LARP6: variants seen among roughly 807,000 people sequenced by gnomAD.
The protein encoded by LARP6 is la-related protein 6.
In LARP6, 18 loss-of-function variants were observed where a neutral mutation model predicts 32.8. The ratio of observed to expected loss-of-function variants is 0.55; its 90% CI spans 0.38 to 0.81. The LOEUF is 0.81. Among genes scored for constraint, LARP6 ranks in the 40% least tolerant of loss-of-function variants. The pLI, the probability that LARP6 is intolerant of heterozygous loss-of-function variation, is 0.00. For missense variants in LARP6, 598 were observed against 663.1 expected, an observed-to-expected ratio of 0.90 and a Z score of 1.08; for synonymous variants, 289 against 267.2, an observed-to-expected ratio of 1.08 and a Z score of -0.80.
chr15:70,842,618 G>C (rs572227392), intron 1 of LARP6, among the ~76,000 whole-genome samples: 1 of 152,234 alleles, frequency 6.6e-6, no homozygotes, highest in East Asian at 1.9e-4. Flanking sequence ...CCTGACCTCA[G>C]GCAGGACTGA....
intron 1 of LARP6, among the ~76,000 whole-genome samples, chr15:70,838,039 A>C (rs1398858037): frequency 6.6e-6 from 1 of 152,198 alleles, no homozygotes; most frequent in African/African-American, 2.4e-5. Context: ...ATTTTTAATA[A>C]TTTTGTGCAT....
rs2032004402 is a variant in LARP6, at chr15:70,829,630, G to A, written c.*2422C>T. The A allele has an allele frequency of 1.3e-5, 2 of 152,144 alleles. No homozygotes were observed. The highest frequency in any genetic ancestry group is 4.1e-4 in the South Asian group (2 of 4,832). The allele number at this position is 152,144 out of a possible 1,614,324, so 9.4% of individuals were successfully genotyped here. The stretch of plus-strand genomic sequence containing the variant: ...GACCTTATTTAAGGAACATCTTCTT[G>A]TTATCCACTGGTTTGTGGGAAGAAC... On this transcript the variant is annotated 3_prime_UTR_variant, in exon 3 of 3. Coordinates refer to ENST00000299213, the MANE Select transcript of LARP6 (RefSeq NM_018357.4).
chr15:70,832,055 T>C lies in LARP6; in HGVS notation c.1473A>G (p.Val491=), dbSNP rs1187359774. The C allele has an allele frequency of 1.3e-6, 2 of 1,506,362 alleles. No individual in the cohort carries two copies. Among genetic ancestry groups the C allele is most frequent in the Non-Finnish European group, 1.8e-6 (2 of 1,127,112 alleles). The allele number at this position is 1,506,362 out of a possible 1,614,324, so 93.3% of individuals were successfully genotyped here. ...FHGHERSRAC[V] is the part of the protein sequence containing the mutation. ...TTGTATTAAAAATAGAAGGTATTTATACACAGGCCCTGCTCCTCTCATGGC... is the reference window on the plus strand; with the variant it reads ...TTGTATTAAAAATAGAAGGTATTTACACACAGGCCCTGCTCCTCTCATGGC... Residue 491 remains valine (V), a synonymous_variant, in exon 3 of 3, where the codon GTA becomes GTG. Transcript: ENST00000299213.
Position 70,831,550 on chromosome 15 carries a change from T to A in LARP6, c.*502A>T, listed in dbSNP as rs2032040431. On this transcript the variant is annotated 3_prime_UTR_variant, in exon 3 of 3. Transcript: ENST00000299213. The stretch of plus-strand genomic sequence containing the variant: ...ATAACCTCAAAGTCAGCACTCCCAG[T>A]TGGGTGTTTTATTATTTATTTACTT... The A allele has an allele frequency of 6.6e-6, 1 of 152,224 alleles. No homozygotes were observed. The highest frequency in any genetic ancestry group is 2.4e-5 in the African/African-American group (1 of 41,446). 9.4% of individuals were successfully genotyped at this position (152,224 alleles called of 1,614,324 possible). A position where few individuals can be genotyped will look rare whatever the true frequency, so the allele number is the denominator to read the frequency against.
At position 70,853,976 on chromosome 15, in the gene LARP6, G is replaced by GC; in HGVS notation, c.112dup (p.Ala38GlyfsTer38). ...CGGGTCCCCGGCGCCCCGAGTCTCC[G>GC]CCCCCTCCTCCTCGTCCTCCAACTC... On this transcript the variant is annotated frameshift_variant, in exon 1 of 3. Coordinates refer to ENST00000299213, the MANE Select transcript of LARP6 (RefSeq NM_018357.4). LOFTEE classifies it high-confidence loss of function. 2 of 1,460,564 alleles carry GC rather than the reference G, an allele frequency of 1.4e-6. No homozygotes were observed. Among genetic ancestry groups the GC allele is most frequent in the Admixed American group, 4.8e-5 (2 of 41,262 alleles). 90.5% of individuals were successfully genotyped at this position (1,460,564 alleles called of 1,614,324 possible).
chr15:70,831,979 A>T lies in LARP6; in HGVS notation c.*73T>A. ...AAAGGGGAACGAATTCCATTCTGTC[A>T]TGCCAGGTGTTTGTCAGAACCTTGA... On this transcript the variant is annotated 3_prime_UTR_variant, in exon 3 of 3. Transcript: ENST00000299213. 9.7e-7 allele frequency: 1 copy of T among 1,035,016 alleles called. No individual in the cohort carries two copies. The highest frequency in any genetic ancestry group is 1.4e-6 in the Non-Finnish European group (1 of 722,398). The allele number at this position is 1,035,016 out of a possible 1,614,324, so 64.1% of individuals were successfully genotyped here.
chr15:70,853,214 A>ACCCCAC (rs2032526926), intron 1 of LARP6: 1 of 100,850 alleles, frequency 9.9e-6, no homozygotes. Context: ...ACCCAGGAAC[A>ACCCCAC]CCCCCCCCCC....
chr15:70,849,870 T>A (rs1330319141), intron 1 of LARP6: 2 of 152,160 alleles, frequency 1.3e-5, no homozygotes, highest in Non-Finnish European at 2.9e-5. Flanking sequence ...TAATTAAGCA[T>A]TTTTTTGCCT....
At chr15:70,837,000 C>T (rs2032160298) in intron 1 of LARP6, among the ~76,000 whole-genome samples, 1 of 152,104 alleles carries the variant, frequency 6.6e-6, no homozygotes, top group African/African-American at 2.4e-5. Context: ...GACACTGGGT[C>T]ACATGGCCAC....
chr15:70,849,439 GCAA>G (rs1286455924), intron 1 of LARP6: 2 of 152,190 alleles, frequency 1.3e-5, no homozygotes, highest in Non-Finnish European at 2.9e-5. Context: ...GGCTCTGAAA[GCAA>G]CAATACCCTG....
At chr15:70,841,089 A>G (rs1347682742) in intron 1 of LARP6, among the ~76,000 whole-genome samples, 1 of 151,656 alleles carries the variant, frequency 6.6e-6, no homozygotes, top group African/African-American at 2.4e-5. Context: ...AATTTTTTGT[A>G]TTTTTAGTAG....
At chr15:70,853,714 C>T (rs2032555162) in intron 1 of LARP6, among the ~76,000 whole-genome samples, 175 bp downstream of exon 1, 1 of 152,178 alleles carries the variant, frequency 6.6e-6, no homozygotes, top group South Asian at 2.1e-4. Context: ...GGGGCACCGG[C>T]TGCCTCCACG....
chr15:70,851,722 T>C, intron 1 of LARP6: 1 of 1,614,098 alleles, frequency 6.2e-7, no homozygotes, highest in African/African-American at 1.3e-5. Context: ...CTCCTATTCC[T>C]GTGAGGGAGA....
rs573929826 is a variant in LARP6, at chr15:70,836,163, C to G, written c.411+132G>C. On this transcript the variant is annotated intron_variant, in intron 2 of 2. Transcript: ENST00000299213. ...AATCCCTTCTCCTAGCCATTTTTCT[C>G]TTTTTCAGGCACAGACTTAATTTTA... 345 of 710,834 alleles carry G rather than the reference C, an allele frequency of 4.9e-4. 7 individuals carry two copies. The South Asian group carries it at 6.2e-3, about 13-fold the overall frequency. The allele number at this position is 710,834 out of a possible 1,614,324, so 44.0% of individuals were successfully genotyped here.
rs2032150753 is a variant in LARP6, at chr15:70,836,484, A to C, written c.222T>G (p.Gly74=). ...GCTCCAGGTCCTCACGCTCGTTCTC[A>C]CCTCCACTTGCAGTGGTGCCACTGA... is the stretch of plus-strand genomic sequence containing the variant. ...RGHSGTTASG[G]ENEREDLEQE... is the part of the protein sequence containing the mutation. Residue 74 remains glycine (G), a synonymous_variant, in exon 2 of 3, where the codon GGT becomes GGG. Coordinates refer to ENST00000299213, the MANE Select transcript of LARP6 (RefSeq NM_018357.4). The C allele has an allele frequency of 2.5e-6, 4 of 1,613,848 alleles. No individual in the cohort carries two copies. The highest frequency in any genetic ancestry group is 3.4e-6 in the Non-Finnish European group (4 of 1,179,882).
At chr15:70,845,892 C>T (rs777353550) in intron 1 of LARP6, among the ~76,000 whole-genome samples, 5 of 152,244 alleles carry the variant, frequency 3.3e-5, no homozygotes, top group Non-Finnish European at 5.9e-5. Flanking sequence ...CTTTACTCTG[C>T]GGCTGCCAGC....
chr15:70,836,550 T>G (rs754452929), intron 1 of LARP6, 45 bp from the exon 2 acceptor site: 3 of 1,524,792 alleles, frequency 2.0e-6, no homozygotes, highest in African/African-American at 2.7e-5. Flanking sequence ...AACGTTGAAC[T>G]GTGTCCCCCA....
intron 1 of LARP6, among the ~76,000 whole-genome samples, chr15:70,841,246 ATTCCAGAGC>A (rs1341667373): frequency 6.6e-6 from 1 of 152,158 alleles, no homozygotes; most frequent in Non-Finnish European, 1.5e-5. Context: ...TCTAATGCTT[ATTCCAGAGC>A]TTCCCAATCT....
In LARP6 at chr15:70,853,839, G is replaced by T. The variant is rs1450054517; in HGVS notation, c.200+50C>A. On this transcript the variant is annotated intron_variant, in intron 1 of 2. Coordinates refer to ENST00000299213, the MANE Select transcript of LARP6 (RefSeq NM_018357.4). ...CAGTCAGCGCCCCGAACTCGCGCGC[G>T]GCCCGGCGCCCCCTCGGGGCCCACC... 13 of 1,195,380 alleles carry T rather than the reference G, an allele frequency of 1.1e-5. No individual in the cohort carries two copies. In the Admixed American group the frequency reaches 3.5e-4, roughly 32 times the overall value. 74.0% of individuals were successfully genotyped at this position (1,195,380 alleles called of 1,614,324 possible). A position where few individuals can be genotyped will look rare whatever the true frequency, so the allele number is the denominator to read the frequency against.
Sources: gnomAD v4.1 joint callset for allele counts (sites outside exome capture counted in the v4.1 genomes callset) on GRCh38, gnomAD v4.1.1 for gene constraint, MANE v1.5 for transcripts, NCBI Gene and HGNC (gene_info 2026-07-23, HGNC 2026-07-21) for gene names.